The following RGS6 variants were observed in gnomAD, a reference collection of about 807,000 sequenced individuals.
RGS6 encodes regulator of G protein signaling 6, also known as regulator of G-protein signaling 6.
RGS6 carries 30 observed loss-of-function variants against 78.5 expected under a neutral mutation model. The observed-to-expected ratio is 0.38, with a 90% CI of 0.29 to 0.52. The LOEUF (loss-of-function observed/expected upper bound fraction) is 0.52, where lower values mean the gene tolerates loss of function less well. RGS6 is among the 20% of genes least tolerant of loss of function. The probability of loss-of-function intolerance (pLI) is 0.85; values close to 1 mark genes in which losing one functional copy is unlikely to be tolerated. For missense variants in RGS6, 495 were observed against 609.7 expected (o/e 0.81, Z 1.98); for synonymous variants, 206 against 206.0 (o/e 1.00, Z 0.00).
At chr14:72,517,885 C>T (rs1476650687) in intron 14 of RGS6, among the ~76,000 whole-genome samples, 2 of 152,152 alleles carry the variant, frequency 1.3e-5, no homozygotes, top group African/African-American at 4.8e-5. Flanking sequence ...GGGTTCTCAA[C>T]CAGGAATGAG....
At chr14:72,428,317 T>C (rs2094504419) in intron 3 of RGS6, among the ~76,000 whole-genome samples, 1 of 152,064 alleles carries the variant, frequency 6.6e-6, no homozygotes, top group Non-Finnish European at 1.5e-5. Flanking sequence ...TATTTATGTA[T>C]TAGTTGGATC....
At chr14:72,055,851 A>T (rs1051836018) in intron 2 of RGS6, among the ~76,000 whole-genome samples, 3 of 152,242 alleles carry the variant, frequency 2.0e-5, no homozygotes, top group Non-Finnish European at 4.4e-5. Context: ...CTAGCTCAGC[A>T]GCCTTTGAGA....
At chr14:72,204,677 T>C (rs1049339143) in intron 2 of RGS6, among the ~76,000 whole-genome samples, 2 of 152,188 alleles carry the variant, frequency 1.3e-5, no homozygotes, top group Non-Finnish European at 2.9e-5. Flanking sequence ...AAGGGGTCTC[T>C]CTCAGGCTTC....
chr14:72,427,751 T>A (rs2094486822), intron 3 of RGS6, among the ~76,000 whole-genome samples: 1 of 152,178 alleles, frequency 6.6e-6, no homozygotes, highest in Admixed American at 6.5e-5. Context: ...AGGGGACCCA[T>A]TTGATATGTT....
chr14:72,411,450 C>G (rs1284794528), intron 3 of RGS6, among the ~76,000 whole-genome samples: 1 of 152,200 alleles, frequency 6.6e-6, no homozygotes, highest in Non-Finnish European at 1.5e-5. Flanking sequence ...TGCTTATCAG[C>G]TTAAGGAGAT....
chr14:72,048,133 A>C (rs2092998100), intron 2 of RGS6, among the ~76,000 whole-genome samples: 1 of 152,152 alleles, frequency 6.6e-6, no homozygotes. Context: ...TTTCCTATGC[A>C]GTTATACTTC....
intron 2 of RGS6, among the ~76,000 whole-genome samples, chr14:72,120,767 A>T (rs1032299098): frequency 1.3e-5 from 2 of 152,178 alleles, no homozygotes; most frequent in Non-Finnish European, 2.9e-5. Flanking sequence ...GGGGAAAGAA[A>T]TTAGGAAGTG....
At chr14:72,474,302 G>A (rs1049665631) in intron 9 of RGS6, among the ~76,000 whole-genome samples, 7 of 152,084 alleles carry the variant, frequency 4.6e-5, no homozygotes, top group Non-Finnish European at 8.8e-5. Flanking sequence ...TCCTGATATC[G>A]TGGAGTCTTT....
intron 2 of RGS6, among the ~76,000 whole-genome samples, chr14:72,144,892 A>T (rs921995719): frequency 2.0e-5 from 3 of 152,098 alleles, no homozygotes; most frequent in African/African-American, 7.2e-5. Context: ...TGAGAGTTTT[A>T]TTATTACTGA....
chr14:72,001,441 A>G (rs1012291770), intron 2 of RGS6, among the ~76,000 whole-genome samples: 19 of 151,842 alleles, frequency 1.3e-4, no homozygotes, highest in Middle Eastern at 3.2e-3. Context: ...AGTATTTTAT[A>G]TCAATGCTTT....
At chr14:72,142,270 C>A (rs919995600) in intron 2 of RGS6, among the ~76,000 whole-genome samples, 3 of 151,390 alleles carry the variant, frequency 2.0e-5, no homozygotes, top group Middle Eastern at 3.2e-3. Context: ...TATTCTTATA[C>A]CACATTTAAG....
At chr14:72,242,315 A>G (rs1280440266) in intron 2 of RGS6, among the ~76,000 whole-genome samples, 1 of 152,206 alleles carries the variant, frequency 6.6e-6, no homozygotes, top group Non-Finnish European at 1.5e-5. Context: ...TGGCAGCTGA[A>G]TTAGGAGGAA....
chr14:72,255,455 C>T (rs1211931508), intron 2 of RGS6, among the ~76,000 whole-genome samples: 1 of 152,124 alleles, frequency 6.6e-6, no homozygotes, highest in Non-Finnish European at 1.5e-5. Context: ...TTGTACCTAC[C>T]ACAGTTATTC....
At chr14:72,232,175 G>A (rs547028456) in intron 2 of RGS6, among the ~76,000 whole-genome samples, 2 of 152,290 alleles carry the variant, frequency 1.3e-5, no homozygotes, top group Middle Eastern at 3.4e-3. Flanking sequence ...GCCTGCCAGC[G>A]AAGACCAAGA....
intron 2 of RGS6, among the ~76,000 whole-genome samples, chr14:71,995,335 C>A (rs948015966): frequency 6.6e-6 from 1 of 152,242 alleles, no homozygotes; most frequent in Non-Finnish European, 1.5e-5. Flanking sequence ...TGGGCTGCCC[C>A]TGAACATAGA....
At chr14:72,395,155 T>C (rs899311909) in intron 3 of RGS6, among the ~76,000 whole-genome samples, 8 of 152,200 alleles carry the variant, frequency 5.3e-5, no homozygotes, top group Non-Finnish European at 1.2e-4. Context: ...AATGGCAGTA[T>C]GTTTCTGTGA....
intron 1 of RGS6, among the ~76,000 whole-genome samples, chr14:71,962,264 T>G (rs1227996023): frequency 6.6e-6 from 1 of 151,900 alleles, no homozygotes; most frequent in African/African-American, 2.4e-5. Context: ...CACACACAAA[T>G]GCTTCTGTTG....
At chr14:72,164,792 A>T (rs1429871830) in intron 2 of RGS6, among the ~76,000 whole-genome samples, 2 of 152,218 alleles carry the variant, frequency 1.3e-5, no homozygotes, top group African/African-American at 4.8e-5. Context: ...CATTTTGAAT[A>T]AACAGCGACT....
rs1211776351 is a variant in RGS6, at chr14:72,380,654, T to C, written c.184+28460T>C. Reference sequence around the variant, plus strand: ...TTTACCCCAGTCAGGATGGCTATTATCATAAAGACAAAAATAACAAATGCT... The same window carrying C: ...TTTACCCCAGTCAGGATGGCTATTACCATAAAGACAAAAATAACAAATGCT... On this transcript the variant is annotated intron_variant, in intron 3 of 17. Coordinates refer to ENST00000553525, the MANE Select transcript of RGS6 (RefSeq NM_001204424.2). 2.6e-5 allele frequency among the ~76,000 whole-genome samples: 4 copies of C among 152,196 alleles called. No individual in the cohort carries two copies. In the East Asian group the frequency reaches 7.7e-4, roughly 29 times the overall value.
Sources: gnomAD v4.1 joint callset for allele counts (sites outside exome capture counted in the v4.1 genomes callset) on GRCh38, gnomAD v4.1.1 for gene constraint, MANE v1.5 for transcripts, NCBI Gene and HGNC (gene_info 2026-07-23, HGNC 2026-07-21) for gene names.